COL4A4: variants seen among roughly 807,000 people sequenced by gnomAD.
COL4A4 encodes collagen alpha-4(IV) chain.
A neutral mutation model predicts 192.9 loss-of-function variants in COL4A4; 105 were observed. That is an observed-to-expected ratio of 0.54 (90% CI 0.46 to 0.64). The LOEUF is 0.64. Among genes scored for constraint, COL4A4 ranks in the 30% least tolerant of loss-of-function variants. The probability of loss-of-function intolerance (pLI) is 0.00; values close to 1 mark genes in which losing one functional copy is unlikely to be tolerated. For missense variants in COL4A4, 1,967 were observed against 2,169.3 expected (o/e 0.91, Z 1.85); for synonymous variants, 762 against 769.9 (o/e 0.99, Z 0.17).
intron 37 of COL4A4, among the ~76,000 whole-genome samples, chr2:227,041,848 G>GAAAGAAAGAAAGAGAA (rs1243663359): frequency 2.6e-4 from 10 of 38,728 alleles, no homozygotes; most frequent in African/African-American, 4.9e-4. Flanking sequence ...AAGAAAGAAA[G>GAAAGAAAGAAAGAGAA]AGAAAGAAAG....
At chr2:227,120,922 G>C (rs2061743318) in intron 5 of COL4A4, 92 bp downstream of exon 5, 16 of 1,526,778 alleles carry the variant, frequency 1.0e-5, no homozygotes, top group Non-Finnish European at 9.0e-7. Context: ...CTGAGTGACA[G>C]AGTAAGACTG....
At chr2:227,064,592 T>C (rs2058178912) in intron 25 of COL4A4, among the ~76,000 whole-genome samples, 1 of 152,152 alleles carries the variant, frequency 6.6e-6, no homozygotes. Flanking sequence ...TATCAGACTA[T>C]CTAAATTCAA....
At chr2:227,014,539 T>C (rs1341450167) in intron 44 of COL4A4, among the ~76,000 whole-genome samples, 2 of 152,206 alleles carry the variant, frequency 1.3e-5, no homozygotes. Context: ...ACAAGTACTG[T>C]TTATTCTGTG....
intron 42 of COL4A4, 68 bp from the exon 43 acceptor site, chr2:227,025,878 A>G: frequency 6.9e-7 from 1 of 1,459,044 alleles, no homozygotes; most frequent in Non-Finnish European, 9.5e-7. Flanking sequence ...GAGATTTTAA[A>G]TTTGTGGATT....
intron 15 of COL4A4, among the ~76,000 whole-genome samples, chr2:227,102,316 A>G (rs1386919690): frequency 1.3e-5 from 2 of 152,238 alleles, no homozygotes; most frequent in Non-Finnish European, 2.9e-5. Flanking sequence ...TTCCCCATTC[A>G]GTACTAAATC....
At chr2:227,024,215 A>C (rs747467843) in intron 43 of COL4A4, among the ~76,000 whole-genome samples, 7 of 152,104 alleles carry the variant, frequency 4.6e-5, no homozygotes, top group Non-Finnish European at 8.8e-5. Flanking sequence ...AACATATTTT[A>C]AAAGGTATCA....
intron 37 of COL4A4, among the ~76,000 whole-genome samples, chr2:227,041,703 AGAAGGAAGGAAGGGAGGAG>A (rs1210369023): frequency 7.5e-6 from 1 of 134,146 alleles, no homozygotes; most frequent in Non-Finnish European, 1.5e-5. Flanking sequence ...AGAGAGAGAG[AGAAGGAAGGAAGGGAGGAG>A]GAAGGAAGGA....
At chr2:227,152,294 A>AT (rs1360047523) in intron 1 of COL4A4, among the ~76,000 whole-genome samples, 1 of 152,210 alleles carries the variant, frequency 6.6e-6, no homozygotes, top group Non-Finnish European at 1.5e-5. Flanking sequence ...AGAAACACCC[A>AT]TTTTTGGATA....
chr2:227,144,773 T>G (rs2063438023), intron 2 of COL4A4, among the ~76,000 whole-genome samples: 1 of 152,186 alleles, frequency 6.6e-6, no homozygotes, highest in African/African-American at 2.4e-5. Context: ...GAAGTGTGTG[T>G]TGAACCCCTT....
chr2:227,115,268 T>TC (rs2061428996), intron 7 of COL4A4, among the ~76,000 whole-genome samples: 1 of 145,236 alleles, frequency 6.9e-6, no homozygotes, highest in Non-Finnish European at 1.5e-5. Flanking sequence ...CTACTTTAAT[T>TC]CTTTTTTTTT....
intron 20 of COL4A4, among the ~76,000 whole-genome samples, chr2:227,092,031 G>A (rs1476468375): frequency 6.6e-6 from 1 of 152,000 alleles, no homozygotes; most frequent in Non-Finnish European, 1.5e-5. Flanking sequence ...CCACACTAAG[G>A]CAAATCAAGT....
At chr2:227,164,457 G>A (rs932899272), upstream of COL4A4, 1 of 544,954 alleles carries the variant, frequency 1.8e-6, no homozygotes, top group African/African-American at 2.0e-5. This position sits in a 1 kb window ranked among gnomAD's most constrained non-coding sequence, Gnocchi z 4.8. Context: ...TGGGCACGAT[G>A]CCCGGGTAGA....
At chr2:226,987,549 C>T in the COL4A4 span, among the ~76,000 whole-genome samples, 1 of 152,204 alleles carries the variant, frequency 6.6e-6, no homozygotes. Context: ...TTGCACTCTC[C>T]CATCTCTCCA....
intron 23 of COL4A4, 98 bp from the exon 24 acceptor site, chr2:227,080,647 T>A: frequency 9.3e-7 from 1 of 1,077,242 alleles, no homozygotes; most frequent in Non-Finnish European, 1.4e-6. Context: ...TGATTCTGGG[T>A]TGGTAGTTTC....
At chr2:226,988,591 G>A in the COL4A4 span, 5 of 1,366,800 alleles carry the variant, frequency 3.7e-6, no homozygotes, top group South Asian at 8.2e-5. Context: ...CATCAGAAGA[G>A]GCCGGGGGCT....
At chr2:227,089,724 A>C in intron 21 of COL4A4, 144 bp downstream of exon 21, 1 of 701,416 alleles carries the variant, frequency 1.4e-6, no homozygotes, top group Non-Finnish European at 2.6e-6. Flanking sequence ...ACTTGTAATC[A>C]CATAGCACTT....
chr2:227,098,736 C>G lies in COL4A4; in HGVS notation c.1162G>C (p.Gly388Arg). The G allele has an allele frequency of 6.2e-7, 1 of 1,614,130 alleles. No homozygotes were observed. The highest frequency in any genetic ancestry group is 8.5e-7 in the Non-Finnish European group (1 of 1,180,002). Residue 388 changes from glycine to arginine, a missense_variant, in exon 19 of 48, where the codon GGT becomes CGT. Physicochemically the swap from Gly to Arg is moderately radical, Grantham distance 125 (BLOSUM62 -2). Transcript: ENST00000396625. Reference sequence around the variant, plus strand: ...GGTCTGCCCAAGAGACCTGGGGGACCAGGTGGTCCAACATCCCCTGTTTCT... The same window carrying G: ...GGTCTGCCCAAGAGACCTGGGGGACGAGGTGGTCCAACATCCCCTGTTTCT... ...YGETGDVGPPGPPGLLGRPGE... is the reference protein window; with the variant it reads ...YGETGDVGPPRPPGLLGRPGE...
At chr2:227,089,588 C>CATATATATATATATATATATATATATAT (rs527917534) in intron 21 of COL4A4, among the ~76,000 whole-genome samples, 26 of 102,206 alleles carry the variant, frequency 2.5e-4, no homozygotes, top group African/African-American at 4.9e-4. Flanking sequence ...GCAAATGTTC[C>CATATATATATATATATATATATATATAT]ATATATATAT....
Position 227,118,703 on chromosome 2 carries a change from G to T in COL4A4, c.431C>A (p.Ser144Ter). 1 of 1,614,010 alleles carries T rather than the reference G, an allele frequency of 6.2e-7. No homozygotes were observed. The highest frequency in any genetic ancestry group is 8.5e-7 in the Non-Finnish European group (1 of 1,180,020). The change falls in exon 7 of 48, where the codon TCA becomes TAA. Residue 144 changes from serine to a stop codon, truncating the protein, a stop_gained. Coordinates refer to ENST00000396625, the MANE Select transcript of COL4A4 (RefSeq NM_000092.5). LOFTEE classifies it high-confidence loss of function. The part of the protein sequence containing the change: ...GKPGMSGHNG[S>*]RGDPGFPGGR... ...TCCTGGAAACCCTGGGTCACCTCTT[G>T]AGCCATTGTGGCCACTCATACCAGG...
Sources: gnomAD v4.1 joint callset for allele counts (sites outside exome capture counted in the v4.1 genomes callset) on GRCh38, gnomAD v4.1.1 for gene constraint, Gnocchi (gnomAD v3.1) non-coding constraint, MANE v1.5 for transcripts, NCBI Gene and HGNC (gene_info 2026-07-23, HGNC 2026-07-21) for gene names.